DSCAML1: variants seen among roughly 807,000 people sequenced by gnomAD.
DSCAML1 encodes the protein cell adhesion molecule DSCAML1.
A neutral mutation model predicts 200.5 loss-of-function variants in DSCAML1; 38 were observed. That is an observed-to-expected ratio of 0.19 (90% confidence interval 0.15 to 0.25). The LOEUF is 0.25. Ranked by LOEUF, DSCAML1 falls within the 10% of genes least tolerant of loss-of-function variation. The pLI, the probability that DSCAML1 is intolerant of heterozygous loss-of-function variation, is 1.00. For missense variants in DSCAML1, 2,223 were observed against 2,858.8 expected, an observed-to-expected ratio of 0.78 and a Z score of 5.07; for synonymous variants, 1,215 against 1,165.0, an observed-to-expected ratio of 1.04 and a Z score of -0.87.
intron 3 of DSCAML1, among the ~76,000 whole-genome samples, chr11:117,641,841 A>C (rs1379138297): frequency 6.6e-6 from 1 of 152,054 alleles, no homozygotes; most frequent in African/African-American, 2.4e-5. Flanking sequence ...TGGTGCACCT[A>C]CTGCATATCG....
chr11:117,490,066 T>C (rs1018195179), intron 11 of DSCAML1, among the ~76,000 whole-genome samples: 3 of 152,122 alleles, frequency 2.0e-5, no homozygotes, highest in Non-Finnish European at 4.4e-5. Context: ...CAGATTTCCT[T>C]CTGCTCGTTG....
chr11:117,546,177 T>C (rs888053041), intron 3 of DSCAML1, among the ~76,000 whole-genome samples: 1 of 152,218 alleles, frequency 6.6e-6, no homozygotes, highest in African/African-American at 2.4e-5. Flanking sequence ...ATGGCATTAC[T>C]GGAGAGACAG....
rs866940223 is a variant in DSCAML1, at chr11:117,742,511, C to T, written c.511+34280G>A. On this transcript the variant is annotated intron_variant, in intron 3 of 32. Transcript: ENST00000651296. Reference sequence around the variant, plus strand: ...CTCTAAAAAATAATAGGATCAAGTCCATCTGGTAACACTCTGAGCTTGGAG... The same window carrying T: ...CTCTAAAAAATAATAGGATCAAGTCTATCTGGTAACACTCTGAGCTTGGAG... Among the ~76,000 whole-genome samples, 37 of 152,168 alleles carry T rather than the reference C, an allele frequency of 2.4e-4. 1 individual carries two copies. The highest frequency in any genetic ancestry group is 3.2e-3 in the Middle Eastern group (1 of 314).
At chr11:117,461,650 C>G (rs1294974246) in intron 17 of DSCAML1, 54 bp from the exon 18 acceptor site, 1 of 1,561,434 alleles carries the variant, frequency 6.4e-7, no homozygotes, top group African/African-American at 1.3e-5. Context: ...ATGTGAGTGA[C>G]AGTACAGCAA....
At position 117,433,165 on chromosome 11, in the gene DSCAML1, C is replaced by T. The variant is rs776238058; in HGVS notation, c.4999G>A (p.Glu1667Lys). Residue 1667 changes from glutamate to lysine, a missense_variant, in exon 29 of 33, where the codon GAG (glutamate) becomes AAG (lysine). Physicochemically the swap from Glu to Lys is moderately conservative, Grantham distance 56 (BLOSUM62 1). Around this residue, in one of 7 missense-constraint regions of DSCAML1, gnomAD observed 614 missense variants for 739.1 expected, o/e 0.83. Coordinates refer to ENST00000651296, the MANE Select transcript of DSCAML1 (RefSeq NM_020693.4). Reference sequence around the variant, plus strand: ...AGTTGCTTGATGCCTTCTTTGTCCTCGATGAGCAGCTGGACCCTGGGGATG... The same window carrying T: ...AGTTGCTTGATGCCTTCTTTGTCCTTGATGAGCAGCTGGACCCTGGGGATG... ...IDIPRVQLLI[E>K]DKEGIKQLGD... is the part of the protein sequence containing the mutation. The T allele has an allele frequency of 6.2e-7, 1 of 1,613,926 alleles. No individual in the cohort carries two copies. Among genetic ancestry groups the T allele is most frequent in the Non-Finnish European group, 8.5e-7 (1 of 1,179,906 alleles).
intron 3 of DSCAML1, among the ~76,000 whole-genome samples, chr11:117,647,913 C>A (rs2052549065): frequency 6.6e-6 from 1 of 152,180 alleles, no homozygotes; most frequent in Admixed American, 6.5e-5. Context: ...TGACCCTGTG[C>A]CCTTGTGGCC....
intron 26 of DSCAML1, among the ~76,000 whole-genome samples, chr11:117,436,894 T>A (rs2047928476): frequency 6.6e-6 from 1 of 152,212 alleles, no homozygotes; most frequent in Admixed American, 6.5e-5. Flanking sequence ...CTGACCTATG[T>A]GTCTGTCCAT....
intron 3 of DSCAML1, among the ~76,000 whole-genome samples, chr11:117,596,811 TTTCA>T (rs2051369046): frequency 6.6e-6 from 1 of 152,184 alleles, no homozygotes; most frequent in Non-Finnish European, 1.5e-5. Flanking sequence ...TTTTAATTGT[TTTCA>T]TTGTTTTGAA....
chr11:117,809,079 G>A (rs368798306), intron 1 of DSCAML1, among the ~76,000 whole-genome samples: 3 of 152,206 alleles, frequency 2.0e-5, no homozygotes, highest in Admixed American at 6.5e-5. Context: ...TTTCCACTGC[G>A]AAGCTTGAGA....
At chr11:117,737,421 G>C (rs1260109864) in intron 3 of DSCAML1, among the ~76,000 whole-genome samples, 1 of 152,182 alleles carries the variant, frequency 6.6e-6, no homozygotes. Context: ...AATGCCAGGT[G>C]CCGCCTGCTC....
chr11:117,488,167 C>T (rs1442023096), intron 11 of DSCAML1, among the ~76,000 whole-genome samples: 1 of 152,200 alleles, frequency 6.6e-6, no homozygotes, highest in Non-Finnish European at 1.5e-5. Context: ...GCCACTGTGC[C>T]CCTCCATCCG....
intron 3 of DSCAML1, among the ~76,000 whole-genome samples, chr11:117,721,831 A>G (rs4936400): frequency 0.94 from 139,285 of 148,118 alleles, 65,907 homozygotes; most frequent in East Asian, 1. Context: ...TTTTTGAGAC[A>G]GAGTCTCGCT....
At chr11:117,815,320 A>G (rs2055795787) in intron 1 of DSCAML1, among the ~76,000 whole-genome samples, 1 of 152,160 alleles carries the variant, frequency 6.6e-6, no homozygotes, top group Non-Finnish European at 1.5e-5. Context: ...TGTTTTTTCC[A>G]AAGCCAAGTC....
rs2049761059 is a variant in DSCAML1 at position 117,516,133 on chromosome 11, C to T, written c.1783+334G>A. Among the ~76,000 whole-genome samples, 1 of 152,198 alleles carries T rather than the reference C, an allele frequency of 6.6e-6. No individual in the cohort carries two copies. Among genetic ancestry groups the T allele is most frequent in the Admixed American group, 6.5e-5 (1 of 15,294 alleles). On this transcript the variant is annotated intron_variant, in intron 8 of 32. Coordinates refer to ENST00000651296, the MANE Select transcript of DSCAML1 (RefSeq NM_020693.4). The surrounding 1 kb of genome is among the most constrained non-coding windows in gnomAD (Gnocchi z 5.7). ...GCTCCTGGGGGCTCCATCCCAACAG[C>T]AGAGGCCCCATGCAGCCCATCTCTG...
At chr11:117,545,488 A>C (rs1049403094) in intron 3 of DSCAML1, among the ~76,000 whole-genome samples, 4 of 152,174 alleles carry the variant, frequency 2.6e-5, no homozygotes, top group Non-Finnish European at 5.9e-5. Context: ...TCATCTGGAC[A>C]TGCTCTTCCC....
intron 18 of DSCAML1, among the ~76,000 whole-genome samples, chr11:117,459,246 T>C (rs2048432605): frequency 6.6e-6 from 1 of 152,124 alleles, no homozygotes; most frequent in East Asian, 1.9e-4. Context: ...GCTACCCAAC[T>C]CCCTTCCCAT....
At chr11:117,751,549 A>G (rs1376016720) in intron 3 of DSCAML1, among the ~76,000 whole-genome samples, 3 of 152,064 alleles carry the variant, frequency 2.0e-5, no homozygotes, top group Non-Finnish European at 2.9e-5. Context: ...GGACAGGAAG[A>G]CAGGCAAGAG....
chr11:117,687,959 T>C (rs527780223), intron 3 of DSCAML1, among the ~76,000 whole-genome samples: 2 of 152,152 alleles, frequency 1.3e-5, no homozygotes, highest in Non-Finnish European at 2.9e-5. Context: ...TGGGGAGTCC[T>C]GCGAGGAACC....
chr11:117,620,006 T>C (rs1220246479), intron 3 of DSCAML1, among the ~76,000 whole-genome samples: 1 of 152,158 alleles, frequency 6.6e-6, no homozygotes, highest in Non-Finnish European at 1.5e-5. Context: ...TGAGAAAAAT[T>C]AGCTAATTTA....
Sources: allele counts gnomAD v4.1 joint callset (sites outside exome capture counted in the v4.1 genomes callset), GRCh38; gene constraint gnomAD v4.1.1; regional missense constraint gnomAD v4.1.1; non-coding constraint Gnocchi (gnomAD v3.1); transcripts MANE v1.5; gene names NCBI Gene and HGNC (gene_info 2026-07-23, HGNC 2026-07-21).